RBFOX1: variants seen among roughly 807,000 people sequenced by gnomAD.
The protein encoded by RBFOX1 is RNA binding fox-1 homolog 1.
A neutral mutation model predicts 57.7 loss-of-function variants in RBFOX1; 8 were observed. The ratio of observed to expected loss-of-function variants is 0.14; its 90% CI spans 0.08 to 0.25. The LOEUF (loss-of-function observed/expected upper bound fraction) is 0.25, where lower values mean the gene tolerates loss of function less well. Ranked by LOEUF, RBFOX1 falls within the 10% of genes least tolerant of loss-of-function variation. The pLI is 1.00. For missense variants in RBFOX1, 611 were observed against 548.5 expected (o/e 1.11, Z -1.14); for synonymous variants, 326 against 222.4 (o/e 1.47, Z -4.15).
chr16:6,883,067 G>A (rs1182310144), intron 3 of RBFOX1, among the ~76,000 whole-genome samples: 1 of 152,058 alleles, frequency 6.6e-6, no homozygotes, highest in East Asian at 1.9e-4. Context: ...TTCATAGATG[G>A]CTTCTCAAAC....
chr16:7,455,597 G>A (rs537849376), intron 4 of RBFOX1, among the ~76,000 whole-genome samples: 1 of 151,670 alleles, frequency 6.6e-6, no homozygotes, highest in Non-Finnish European at 1.5e-5. Flanking sequence ...TTCGAGACCA[G>A]CCTAGGCAAC....
At chr16:6,810,930 G>T (rs1433453759) in intron 3 of RBFOX1, among the ~76,000 whole-genome samples, 1 of 152,138 alleles carries the variant, frequency 6.6e-6, no homozygotes, top group African/African-American at 2.4e-5. Flanking sequence ...TCATATCAAG[G>T]TTCGGTTGCT....
At chr16:7,577,505 G>A (rs1257681047) in intron 5 of RBFOX1, among the ~76,000 whole-genome samples, 5 of 152,158 alleles carry the variant, frequency 3.3e-5, no homozygotes, top group Admixed American at 6.5e-5. Flanking sequence ...CCCACTTAAC[G>A]TTTAACCTCC....
At chr16:5,875,313 T>C (rs1224629017) in intron 4 of RBFOX1, among the ~76,000 whole-genome samples, 1 of 152,212 alleles carries the variant, frequency 6.6e-6, no homozygotes, top group African/African-American at 2.4e-5. Flanking sequence ...GAGCCATATC[T>C]GAACCAGGTT....
chr16:6,785,479 A>G (rs117960757), intron 3 of RBFOX1, among the ~76,000 whole-genome samples: 4,303 of 152,256 alleles, frequency 0.028, 111 homozygotes, highest in Middle Eastern at 0.11. Context: ...AATAAAAGCC[A>G]TTTGCATCTG....
intron 3 of RBFOX1, among the ~76,000 whole-genome samples, chr16:7,045,375 A>G (rs188734128): frequency 1.4e-4 from 21 of 152,338 alleles, no homozygotes; most frequent in Admixed American, 3.9e-4. Flanking sequence ...AAACATGTCT[A>G]CTATAGAGAT....
At chr16:5,840,222 C>G (rs954183708) in intron 3 of RBFOX1, among the ~76,000 whole-genome samples, 3 of 152,202 alleles carry the variant, frequency 2.0e-5, no homozygotes, top group Non-Finnish European at 4.4e-5. Flanking sequence ...TTTTCCTTGG[C>G]ATCTCAGTCT....
rs553667169 is a variant in RBFOX1 at position 6,063,707 on chromosome 16, C to T, written c.-127+43715C>T. Among the ~76,000 whole-genome samples, 8 of 152,194 alleles carry T rather than the reference C, an allele frequency of 5.3e-5. 1 individual carries two copies. Among genetic ancestry groups the T allele is most frequent in the South Asian group, 4.2e-4 (2 of 4,810 alleles). The stretch of plus-strand genomic sequence containing the variant: ...ATTAGCATGAGAAGTGGGGTCCTGT[C>T]ACCAGGGCAACCAGGAGCACAGAGT... On this transcript the variant is annotated intron_variant, in intron 1 of 15. Transcript: ENST00000550418.
At chr16:5,406,889 G>T (rs2066883262) in intron 1 of RBFOX1, among the ~76,000 whole-genome samples, 1 of 152,150 alleles carries the variant, frequency 6.6e-6, no homozygotes, top group Admixed American at 6.5e-5. Context: ...TGGAGTACCT[G>T]GTGACAGCAG....
chr16:6,857,138 T>C (rs2058059031), intron 3 of RBFOX1, among the ~76,000 whole-genome samples: 1 of 152,204 alleles, frequency 6.6e-6, no homozygotes, highest in African/African-American at 2.4e-5. Flanking sequence ...AGTGATTTTT[T>C]GTGTGGTCAA....
chr16:5,487,676 G>C (rs1176409558), intron 2 of RBFOX1, among the ~76,000 whole-genome samples: 1 of 152,172 alleles, frequency 6.6e-6, no homozygotes, highest in Non-Finnish European at 1.5e-5. Context: ...CACAACTAAT[G>C]GTTATGTCTT....
intron 4 of RBFOX1, among the ~76,000 whole-genome samples, chr16:7,251,332 G>A (rs969069179): frequency 6.6e-6 from 1 of 151,290 alleles, no homozygotes; most frequent in South Asian, 2.1e-4. Context: ...CCACAGTGTT[G>A]CAGTTGACAA....
intron 2 of RBFOX1, among the ~76,000 whole-genome samples, chr16:6,583,971 CA>C (rs2097571216): frequency 6.9e-6 from 1 of 144,310 alleles, no homozygotes; most frequent in Admixed American, 7.0e-5. Context: ...AGCTGAAAAA[CA>C]AATAAACAAT....
intron 4 of RBFOX1, among the ~76,000 whole-genome samples, chr16:7,480,704 G>A (rs1043960038): frequency 7.9e-5 from 12 of 152,196 alleles, no homozygotes; most frequent in African/African-American, 2.7e-4. Flanking sequence ...ACTTTCTGCT[G>A]CCGAGAAATC....
intron 4 of RBFOX1, among the ~76,000 whole-genome samples, chr16:7,087,916 C>G (rs1353670599): frequency 2.0e-5 from 3 of 152,156 alleles, no homozygotes; most frequent in Non-Finnish European, 4.4e-5. Flanking sequence ...CTCTCGCTCT[C>G]TCTTTCTCTC....
At chr16:6,125,137 A>C (rs2096580128) in intron 1 of RBFOX1, among the ~76,000 whole-genome samples, 1 of 152,202 alleles carries the variant, frequency 6.6e-6, no homozygotes. Context: ...GGATGGTCTC[A>C]TACTGTAAGG....
At chr16:5,299,598 C>G (rs1284594408) in intron 1 of RBFOX1, among the ~76,000 whole-genome samples, 2 of 152,126 alleles carry the variant, frequency 1.3e-5, no homozygotes, top group Non-Finnish European at 2.9e-5. Flanking sequence ...CTGCCCTTGC[C>G]ATTATTTTTG....
intron 2 of RBFOX1, among the ~76,000 whole-genome samples, chr16:6,604,578 G>C (rs1169437278): frequency 6.6e-6 from 1 of 152,184 alleles, no homozygotes; most frequent in Non-Finnish European, 1.5e-5. Flanking sequence ...TAAATAGCAA[G>C]GTAAAGCAAT....
intron 2 of RBFOX1, among the ~76,000 whole-genome samples, chr16:6,411,124 C>T (rs1042636912): frequency 2.0e-5 from 3 of 152,170 alleles, no homozygotes; most frequent in East Asian, 3.9e-4. Flanking sequence ...AATACAGGTG[C>T]AACCCATCAC....
Sources: allele counts gnomAD v4.1 joint callset (sites outside exome capture counted in the v4.1 genomes callset), GRCh38; gene constraint gnomAD v4.1.1; transcripts MANE v1.5; gene names NCBI Gene and HGNC (gene_info 2026-07-23, HGNC 2026-07-21).